ZNF831: variants seen among roughly 807,000 people sequenced by gnomAD.
The protein encoded by ZNF831 is chromosome 20 open reading frame 174.
In ZNF831, 59 loss-of-function variants were observed where a neutral mutation model predicts 95.8. That is an observed-to-expected ratio of 0.62 (90% CI 0.50 to 0.77). The LOEUF (loss-of-function observed/expected upper bound fraction) is 0.77. Ranked by LOEUF, ZNF831 falls within the 30% of genes least tolerant of loss-of-function variation. The probability of loss-of-function intolerance (pLI) is 0.00; values close to 1 mark genes in which losing one functional copy is unlikely to be tolerated. For synonymous variants in ZNF831, 961 were observed against 925.5 expected, an observed-to-expected ratio of 1.04 and a Z score of -0.70; for missense variants, 2,205 against 2,164.0, an observed-to-expected ratio of 1.02 and a Z score of -0.38.
chr20:59,215,073 A>C (rs934783461), intron 4 of ZNF831, among the ~76,000 whole-genome samples: 1 of 152,230 alleles, frequency 6.6e-6, no homozygotes, highest in African/African-American at 2.4e-5. Context: ...TCTGTGCTAA[A>C]AGTTCCATTA....
At chr20:59,134,554 T>G (rs1979445924) in intron 1 of ZNF831, among the ~76,000 whole-genome samples, 1 of 152,228 alleles carries the variant, frequency 6.6e-6, no homozygotes, top group Non-Finnish European at 1.5e-5. Flanking sequence ...GGTGAGATAC[T>G]GGACCTCTCA....
rs775709778 is a variant in ZNF831 at position 59,193,773 on chromosome 20, G to C, written c.2754G>C (p.Ser918=). The change falls in exon 2 of 6, where the codon TCG becomes TCC. Residue 918 remains serine (S), a synonymous_variant. Coordinates refer to ENST00000371030, the MANE Select transcript of ZNF831 (RefSeq NM_178457.3). ...PAAPAPAEHP[S]LATPPQAPRV... Reference sequence around the variant, plus strand: ...CCCCAGCCCCCGCAGAGCACCCCTCGCTGGCCACCCCACCTCAGGCTCCTA... The same window carrying C: ...CCCCAGCCCCCGCAGAGCACCCCTCCCTGGCCACCCCACCTCAGGCTCCTA... 2.5e-6 allele frequency: 4 copies of C among 1,606,606 alleles called. No homozygotes were observed. The highest frequency in any genetic ancestry group is 3.4e-6 in the Non-Finnish European group (4 of 1,176,232).
chr20:59,195,972 G>C lies in ZNF831; in HGVS notation c.3842G>C (p.Ser1281Thr). The C allele has an allele frequency of 1.2e-6, 2 of 1,614,120 alleles. No homozygotes were observed. The highest frequency in any genetic ancestry group is 2.2e-5 in the South Asian group (2 of 91,080). The change falls in exon 3 of 6, where the codon AGC (serine) becomes ACC (threonine). Residue 1281 changes from serine (S) to threonine (T), a missense_variant. Ser to Thr is a moderately conservative substitution (Grantham distance 58, BLOSUM62 1). Coordinates refer to ENST00000371030, the MANE Select transcript of ZNF831 (RefSeq NM_178457.3). ...PWRAKMSRGN[S>T]KQRKLKINPK... Reference sequence around the variant, plus strand: ...AGGGCAAAGATGTCTCGTGGGAACAGCAAGCAGAGAAAACTGAAGATCAAC... The same window carrying C: ...AGGGCAAAGATGTCTCGTGGGAACACCAAGCAGAGAAAACTGAAGATCAAC...
rs1316433862 is a variant in ZNF831, at chr20:59,227,959, A to C, written c.4027+20903A>C. 2.0e-5 allele frequency among the ~76,000 whole-genome samples: 3 copies of C among 152,254 alleles called. No homozygotes were observed. In the East Asian group the frequency reaches 5.8e-4, roughly 29 times the overall value. On this transcript the variant is annotated intron_variant, in intron 4 of 5. Transcript: ENST00000371030. ...TGACTCCAGACCCTTGTTAGGAAACACTGGGCTTTCCATTTCAACCACATA... is the reference window on the plus strand; with the variant it reads ...TGACTCCAGACCCTTGTTAGGAAACCCTGGGCTTTCCATTTCAACCACATA...
At chr20:59,184,349 T>C (rs1375657259) in intron 1 of ZNF831, among the ~76,000 whole-genome samples, 1 of 152,218 alleles carries the variant, frequency 6.6e-6, no homozygotes, top group African/African-American at 2.4e-5. Context: ...TGCAGGTTTT[T>C]GTGTGAATGT....
chr20:59,211,513 G>A (rs1431163694), intron 4 of ZNF831, among the ~76,000 whole-genome samples: 2 of 152,198 alleles, frequency 1.3e-5, no homozygotes, highest in Non-Finnish European at 2.9e-5. Context: ...GTTGGAGGGT[G>A]GAAGAATGCT....
At chr20:59,162,171 A>G (rs1980914067), upstream of ZNF831, among the ~76,000 whole-genome samples, 2 of 152,192 alleles carry the variant, frequency 1.3e-5, no homozygotes, top group Admixed American at 6.5e-5. Flanking sequence ...TTGGCTGCAT[A>G]GTTTGCAAAT....
At position 59,253,249 on chromosome 20, in the gene ZNF831, T is replaced by A. The variant is rs1374029914; in HGVS notation, c.4188+111T>A. 5.8e-6 allele frequency: 7 copies of A among 1,205,244 alleles called. No individual in the cohort carries two copies. In the East Asian group the frequency reaches 1.7e-4, roughly 29 times the overall value. The allele number at this position is 1,205,244 out of a possible 1,614,324, so 74.7% of individuals were successfully genotyped here. ...GGCAGAACTTGCTCGGATCACCTTATGAAGATTCGTGGCACAGAAAGCCCA... is the reference window on the plus strand; with the variant it reads ...GGCAGAACTTGCTCGGATCACCTTAAGAAGATTCGTGGCACAGAAAGCCCA... On this transcript the variant is annotated intron_variant, in intron 5 of 5. Transcript: ENST00000371030.
intron 1 of ZNF831, among the ~76,000 whole-genome samples, chr20:59,174,908 A>T (rs1161228123): frequency 6.6e-6 from 1 of 151,852 alleles, no homozygotes; most frequent in Non-Finnish European, 1.5e-5. Flanking sequence ...TCATTCTTTG[A>T]GGGTGGGCCT....
At chr20:59,229,446 C>A (rs1986610609) in intron 4 of ZNF831, among the ~76,000 whole-genome samples, 1 of 152,186 alleles carries the variant, frequency 6.6e-6, no homozygotes, top group Admixed American at 6.5e-5. Context: ...ATCAGCCCCA[C>A]CTCCTGATGG....
rs780050370 is a variant in ZNF831 at position 59,195,944 on chromosome 20, T to C, written c.3814T>C (p.Trp1272Arg). The C allele has an allele frequency of 6.2e-7, 1 of 1,614,202 alleles. No individual in the cohort carries two copies. Among genetic ancestry groups the C allele is most frequent in the South Asian group, 1.1e-5 (1 of 91,080 alleles). Residue 1272 changes from tryptophan (W) to arginine (R), a missense_variant, in exon 3 of 6, where the codon TGG (tryptophan) becomes CGG (arginine). Trp to Arg is a moderately radical substitution (Grantham distance 101, BLOSUM62 -3). Transcript: ENST00000371030. ...SEPEWKKGLP[W>R]RAKMSRGNSK... ...GCCAGAATGGAAGAAAGGCCTGCCT[T>C]GGAGGGCAAAGATGTCTCGTGGGAA...
chr20:59,136,485 C>T (rs572016588), intron 1 of ZNF831, among the ~76,000 whole-genome samples: 15 of 152,274 alleles, frequency 9.9e-5, no homozygotes, highest in African/African-American at 3.6e-4. Flanking sequence ...TGGGACAGGA[C>T]ACCAGCTCTG....
chr20:59,176,238 G>C (rs1256633893), intron 1 of ZNF831, among the ~76,000 whole-genome samples: 1 of 152,186 alleles, frequency 6.6e-6, no homozygotes, highest in Non-Finnish European at 1.5e-5. Context: ...CATAATATGT[G>C]GTTGCATTTA....
At chr20:59,150,838 G>A (rs1407952285) in intron 2 of ZNF831, among the ~76,000 whole-genome samples, 4 of 152,222 alleles carry the variant, frequency 2.6e-5, no homozygotes, top group African/African-American at 9.6e-5. Flanking sequence ...TCAGCTCCTG[G>A]CCTGTCTCTC....
chr20:59,250,349 G>A (rs1372905687), intron 4 of ZNF831, among the ~76,000 whole-genome samples: 1 of 152,158 alleles, frequency 6.6e-6, no homozygotes, highest in African/African-American at 2.4e-5. Context: ...CAGGAGACCC[G>A]AGGACTCTTC....
intron 1 of ZNF831, among the ~76,000 whole-genome samples, chr20:59,139,728 T>A (rs1347255442): frequency 1.3e-5 from 2 of 149,484 alleles, no homozygotes; most frequent in Middle Eastern, 3.2e-3. Context: ...GCAGAAAAAC[T>A]GTATATAATT....
At chr20:59,171,461 A>G (rs922709855) in intron 1 of ZNF831, among the ~76,000 whole-genome samples, 1 of 152,230 alleles carries the variant, frequency 6.6e-6, no homozygotes, top group Non-Finnish European at 1.5e-5. Flanking sequence ...TTACAACAGA[A>G]TGGCTCTGTA....
At chr20:59,174,955 G>A (rs143901156) in intron 1 of ZNF831, among the ~76,000 whole-genome samples, 91 of 152,080 alleles carry the variant, frequency 6.0e-4, no homozygotes, top group Non-Finnish European at 9.4e-4. Flanking sequence ...ATTTATTTGC[G>A]AATATCTTGA....
chr20:59,163,487 T>A (rs1475896757), upstream of ZNF831, among the ~76,000 whole-genome samples: 1 of 152,208 alleles, frequency 6.6e-6, no homozygotes, highest in East Asian at 1.9e-4. Context: ...ATGCTCATTC[T>A]GGGCCCTCAG....
Sources: allele counts gnomAD v4.1 joint callset (sites outside exome capture counted in the v4.1 genomes callset), GRCh38; gene constraint gnomAD v4.1.1; transcripts MANE v1.5; gene names NCBI Gene and HGNC (gene_info 2026-07-23, HGNC 2026-07-21).